The following OTOA variants were observed in gnomAD, a reference collection of about 807,000 sequenced individuals.
OTOA encodes cancer/testis antigen 108.
OTOA carries 70 observed loss-of-function variants against 110.8 expected under a neutral mutation model. That is an observed-to-expected ratio of 0.63 (90% CI 0.52 to 0.77). The LOEUF is 0.77. OTOA is among the 30% of genes least tolerant of loss of function. The pLI is 0.00. For synonymous variants in OTOA, 373 were observed against 431.5 expected, an observed-to-expected ratio of 0.86 and a Z score of 1.68; for missense variants, 917 against 1,075.8, an observed-to-expected ratio of 0.85 and a Z score of 2.06.
chr16:21,716,941 T>C lies in OTOA; in HGVS notation c.1523T>C (p.Val508Ala), dbSNP rs138141474. The C allele has an allele frequency of 7.7e-4, 1,249 of 1,614,072 alleles. 3 individuals are homozygous for C. The highest frequency in any genetic ancestry group is 4.0e-3 in the Middle Eastern group (24 of 6,062). ...GCGGAAGACACTGCCCCAGGCATCG[T>C]GGAGATACAAGGGGCTTTCTTTAAG... The part of the protein sequence containing the change: ...VQAEDTAPGI[V>A]EIQGAFFKEV... The change falls in exon 15 of 29, where the codon GTG (valine) becomes GCG (alanine). Residue 508 changes from valine (V) to alanine (A), a missense_variant. Val to Ala is a moderately conservative substitution (Grantham distance 64). This residue lies in a region of OTOA where 840 missense variants were observed against 910.2 expected (regional missense o/e 0.92). Coordinates refer to ENST00000646100, the MANE Select transcript of OTOA (RefSeq NM_144672.4).
chr16:21,678,347 TA>T (rs1966865750), intron 1 of OTOA, among the ~76,000 whole-genome samples, 163 bp from the exon 2 acceptor site: 2 of 152,038 alleles, frequency 1.3e-5, no homozygotes, highest in South Asian at 4.1e-4. Flanking sequence ...AAATTATTTT[TA>T]AAAAAGACTT....
intron 4 of OTOA, 41 bp downstream of exon 4, chr16:21,679,107 T>A (rs1966870211): frequency 6.2e-7 from 1 of 1,613,442 alleles, no homozygotes; most frequent in Non-Finnish European, 8.5e-7. Context: ...CTTCTAAGAA[T>A]TTCAAACAGA....
At chr16:21,738,454 T>G (rs1437720215) in intron 22 of OTOA, among the ~76,000 whole-genome samples, 26 of 121,854 alleles carry the variant, frequency 2.1e-4, no homozygotes, top group South Asian at 9.0e-4. Flanking sequence ...CTCCCGTTTT[T>G]TTTTTTTCTT....
chr16:21,721,408 G>A (rs560059610), intron 17 of OTOA: 65 of 455,322 alleles, frequency 1.4e-4, no homozygotes, highest in African/African-American at 1.2e-3. Flanking sequence ...TGTCACAACC[G>A]GAGCAGAGCT....
chr16:21,666,264 T>C (rs932392833), intron 1 of OTOA, among the ~76,000 whole-genome samples: 1 of 148,802 alleles, frequency 6.7e-6, no homozygotes, highest in African/African-American at 2.5e-5. Context: ...TTTTTTTTGG[T>C]GGAAAATCTC....
chr16:21,716,796 G>A, intron 14 of OTOA, 111 bp from the exon 15 acceptor site: 1 of 1,285,476 alleles, frequency 7.8e-7, no homozygotes, highest in South Asian at 1.2e-5. Context: ...ACTTCCTAGG[G>A]TTGCTGAGCG....
rs1317096983 is a variant in OTOA, at chr16:21,691,602, T to C, written c.654T>C (p.Asp218=). Residue 218 remains aspartate, a synonymous_variant, in exon 9 of 29, where the codon GAT becomes GAC. Transcript: ENST00000646100. ...CATTTAGATCTGCAGTGTTCAAAGA[T>C]CTCTACGACAAAACCTCGGCTCATT... ...AFKNLSAVFK[D]LYDKTSAHSQ... 1.2e-6 allele frequency: 2 copies of C among 1,613,628 alleles called. No individual in the cohort carries two copies. The highest frequency in any genetic ancestry group is 1.3e-5 in the African/African-American group (1 of 74,872).
intron 9 of OTOA, among the ~76,000 whole-genome samples, chr16:21,693,604 C>T (rs936166043): frequency 2.3e-4 from 35 of 152,174 alleles, no homozygotes; most frequent in South Asian, 4.2e-4. Context: ...TTTGTTGAGA[C>T]GGAGTCTTAC....
At chr16:21,710,614 C>A (rs980419897) in intron 13 of OTOA, among the ~76,000 whole-genome samples, 1 of 152,176 alleles carries the variant, frequency 6.6e-6, no homozygotes, top group African/African-American at 2.4e-5. Flanking sequence ...TGCCTGGGTT[C>A]AAATCCTTGC....
chr16:21,685,244 C>T lies in OTOA; in HGVS notation c.282C>T (p.Asn94=), dbSNP rs1897689828. The T allele has an allele frequency of 6.2e-7, 1 of 1,612,512 alleles. No homozygotes were observed. Among genetic ancestry groups the T allele is most frequent in the South Asian group, 1.1e-5 (1 of 91,048 alleles). Residue 94 remains asparagine, a synonymous_variant, in exon 7 of 29, where the codon AAC becomes AAT. Transcript: ENST00000646100. ...CCCAAATACAGGCAGCCGTGGAAAA[C>T]CACCTGGAGCAGCGTCTGCACCAGC... is the stretch of plus-strand genomic sequence containing the variant. ...TIPSLQAAVE[N]HLEQRLHQPQ...
intron 13 of OTOA, among the ~76,000 whole-genome samples, chr16:21,712,162 A>C (rs887889503): frequency 3.3e-5 from 5 of 151,910 alleles, no homozygotes; most frequent in African/African-American, 1.2e-4. Flanking sequence ...CCCTGTCTCT[A>C]CTAAAAATAG....
chr16:21,721,849 G>A (rs954520754), intron 17 of OTOA, among the ~76,000 whole-genome samples: 1 of 151,980 alleles, frequency 6.6e-6, no homozygotes, highest in African/African-American at 2.4e-5. Flanking sequence ...TTATGATGGA[G>A]TCACTGCATT....
chr16:21,751,635 G>C (rs1899830148), intron 24 of OTOA, among the ~76,000 whole-genome samples: 1 of 107,710 alleles, frequency 9.3e-6, no homozygotes, highest in Admixed American at 1.0e-4. Context: ...AGGGTCATAA[G>C]AGTGACTGAA....
At position 21,760,554 on chromosome 16, in the gene OTOA, A is replaced by G. The variant is rs1256948400; in HGVS notation, c.*14A>G. Reference sequence around the variant, plus strand: ...CTCCTGTGGTGAGTGGCCTGAGCGCATCGTCCTGTGTTGCCCCAAGCAGCT... The same window carrying G: ...CTCCTGTGGTGAGTGGCCTGAGCGCGTCGTCCTGTGTTGCCCCAAGCAGCT... On this transcript the variant is annotated 3_prime_UTR_variant, in exon 29 of 29. Transcript: ENST00000646100. The G allele has an allele frequency of 1.9e-6, 3 of 1,603,704 alleles. No individual in the cohort carries two copies. The highest frequency in any genetic ancestry group is 2.2e-5 in the South Asian group (2 of 90,832).
intron 1 of OTOA, among the ~76,000 whole-genome samples, chr16:21,675,107 TTC>T (rs1284319204): frequency 7.5e-6 from 1 of 133,508 alleles, no homozygotes; most frequent in Admixed American, 7.7e-5. Flanking sequence ...CTTTCTTTCT[TTC>T]TTTCTTTTTC....
rs372258923 is a variant in OTOA, at chr16:21,677,542, C to T, written c.-4-969C>T. ...TGTCGCCCAGGCTGGAGTGCAGTGG[C>T]GTGATCTCGGCTCACTGCAAGCTCC... On this transcript the variant is annotated intron_variant, in intron 1 of 28. Transcript: ENST00000646100. 1.3e-4 allele frequency among the ~76,000 whole-genome samples: 18 copies of T among 137,948 alleles called. No homozygotes were observed. In the East Asian group the frequency reaches 2.6e-3, roughly 20 times the overall value. The allele number at this position is 137,948 out of a possible 152,430, so 90.5% of individuals were successfully genotyped here.
intron 21 of OTOA, among the ~76,000 whole-genome samples, chr16:21,735,731 T>C (rs1251807124): frequency 6.6e-6 from 1 of 152,092 alleles, no homozygotes; most frequent in Non-Finnish European, 1.5e-5. Context: ...GTAGCTGGGA[T>C]GACAGGCTCA....
At chr16:21,696,171 G>T (rs906738562) in intron 9 of OTOA, among the ~76,000 whole-genome samples, 21 of 151,848 alleles carry the variant, frequency 1.4e-4, no homozygotes, top group African/African-American at 4.8e-4. Flanking sequence ...GGGATTACAG[G>T]CTTGAGCCAC....
chr16:21,681,712 C>G, intron 5 of OTOA, 26 bp from the exon 6 acceptor site: 1 of 1,587,212 alleles, frequency 6.3e-7, no homozygotes. Context: ...TCATTGTGAT[C>G]TTTTCCTGTC....
Sources: allele counts gnomAD v4.1 joint callset (sites outside exome capture counted in the v4.1 genomes callset), GRCh38; gene constraint gnomAD v4.1.1; regional missense constraint gnomAD v4.1.1; transcripts MANE v1.5; gene names NCBI Gene and HGNC (gene_info 2026-07-23, HGNC 2026-07-21).